LRRC4C: variants seen among roughly 807,000 people sequenced by gnomAD.
LRRC4C encodes leucine-rich repeat-containing protein 4C.
Under a neutral mutation model 33.6 loss-of-function variants are expected in LRRC4C, and 5 were observed. The ratio of observed to expected loss-of-function variants is 0.15; its 90% CI spans 0.08 to 0.31. The LOEUF (loss-of-function observed/expected upper bound fraction) is 0.31, where lower values mean the gene tolerates loss of function less well. Ranked by LOEUF, LRRC4C falls within the 10% of genes least tolerant of loss-of-function variation. The probability of loss-of-function intolerance (pLI) is 1.00; values close to 1 mark genes in which losing one functional copy is unlikely to be tolerated. For missense variants in LRRC4C, 560 were observed against 796.7 expected (o/e 0.70, Z 3.58); for synonymous variants, 329 against 302.0 (o/e 1.09, Z -0.93).
intron 1 of LRRC4C, among the ~76,000 whole-genome samples, chr11:41,059,624 C>G (rs1047943594): frequency 6.6e-6 from 1 of 152,002 alleles, no homozygotes; most frequent in Non-Finnish European, 1.5e-5. Context: ...TACAGACTCC[C>G]CTTATGTAGG....
chr11:40,971,437 G>A (rs962175147), intron 1 of LRRC4C, among the ~76,000 whole-genome samples: 51 of 152,208 alleles, frequency 3.4e-4, no homozygotes, highest in Admixed American at 3.3e-3. Context: ...GCCTGGGGGA[G>A]GAGGGAACAG....
intron 1 of LRRC4C, among the ~76,000 whole-genome samples, chr11:40,964,479 C>T (rs1851196352): frequency 6.6e-6 from 1 of 151,278 alleles, no homozygotes; most frequent in African/African-American, 2.4e-5. Context: ...ATTAACTCGT[C>T]ATTTAGCATT....
intron 1 of LRRC4C, among the ~76,000 whole-genome samples, chr11:41,131,148 G>T (rs1307971087): frequency 6.6e-6 from 1 of 152,048 alleles, no homozygotes; most frequent in Non-Finnish European, 1.5e-5. Context: ...ATAAGCATCA[G>T]AAATTGTGCC....
chr11:40,823,262 T>G (rs1460761066), intron 2 of LRRC4C, among the ~76,000 whole-genome samples: 3 of 151,732 alleles, frequency 2.0e-5, no homozygotes, highest in Non-Finnish European at 4.4e-5. Context: ...CTTATTATTT[T>G]GGGTTGGGTG....
chr11:40,659,449 G>C (rs551643459), intron 2 of LRRC4C, among the ~76,000 whole-genome samples: 2 of 152,248 alleles, frequency 1.3e-5, no homozygotes, highest in South Asian at 4.1e-4. Context: ...ACCAATTCCA[G>C]GTGGAGTCCA....
chr11:40,261,278 G>A (rs1434392435), intron 4 of LRRC4C, among the ~76,000 whole-genome samples: 1 of 152,112 alleles, frequency 6.6e-6, no homozygotes, highest in Non-Finnish European at 1.5e-5. Flanking sequence ...GAAAAAGAAA[G>A]AAATAAATAC....
chr11:40,803,574 A>G (rs1021003400), intron 2 of LRRC4C, among the ~76,000 whole-genome samples: 1 of 152,030 alleles, frequency 6.6e-6, no homozygotes, highest in Admixed American at 6.5e-5. Flanking sequence ...AATTGTCTAT[A>G]TGGTCATTTT....
intron 3 of LRRC4C, among the ~76,000 whole-genome samples, chr11:40,521,655 G>A (rs1227290235): frequency 1.3e-5 from 2 of 152,046 alleles, no homozygotes; most frequent in Non-Finnish European, 2.9e-5. Flanking sequence ...TGGATCATGA[G>A]GTCAAGAGAT....
intron 1 of LRRC4C, among the ~76,000 whole-genome samples, chr11:41,412,615 C>T (rs1591463028): frequency 6.6e-6 from 1 of 152,288 alleles, no homozygotes; most frequent in East Asian, 1.9e-4. Context: ...TACAAATCAA[C>T]AAAAGGCATG....
At chr11:41,067,178 T>C (rs1490761042) in intron 1 of LRRC4C, among the ~76,000 whole-genome samples, 1 of 152,122 alleles carries the variant, frequency 6.6e-6, no homozygotes, top group East Asian at 1.9e-4. Context: ...AGCCATCTCA[T>C]GCACAAAGAT....
At chr11:40,997,223 GAGAGA>G (rs1854043728) in intron 1 of LRRC4C, among the ~76,000 whole-genome samples, 1 of 152,070 alleles carries the variant, frequency 6.6e-6, no homozygotes, top group Non-Finnish European at 1.5e-5. Flanking sequence ...AAAAATAAGA[GAGAGA>G]AGAGATGAGG....
intron 1 of LRRC4C, among the ~76,000 whole-genome samples, chr11:41,117,891 T>A (rs1342914450): frequency 6.6e-6 from 1 of 152,170 alleles, no homozygotes; most frequent in African/African-American, 2.4e-5. Context: ...GAGATTTAAA[T>A]ATTCCATGCA....
intron 1 of LRRC4C, among the ~76,000 whole-genome samples, chr11:41,294,136 G>C (rs972145560): frequency 1.5e-4 from 23 of 152,166 alleles, no homozygotes; most frequent in African/African-American, 5.3e-4. Context: ...AGACAGTTTA[G>C]AGTTATTCTT....
chr11:40,720,312 C>T (rs796688072), intron 2 of LRRC4C, among the ~76,000 whole-genome samples: 16 of 152,206 alleles, frequency 1.1e-4, no homozygotes, highest in African/African-American at 3.6e-4. Flanking sequence ...TTTTAGGTAA[C>T]CTAGTTCAAA....
chr11:40,840,409 C>A (rs575216335), intron 2 of LRRC4C, among the ~76,000 whole-genome samples: 2 of 152,072 alleles, frequency 1.3e-5, no homozygotes, highest in Non-Finnish European at 2.9e-5. Flanking sequence ...AACTATGAAA[C>A]TGATTTTTTA....
intron 3 of LRRC4C, among the ~76,000 whole-genome samples, chr11:40,407,755 T>C (rs1950012482): frequency 6.6e-6 from 1 of 152,040 alleles, no homozygotes; most frequent in Non-Finnish European, 1.5e-5. Flanking sequence ...CAATTCAACA[T>C]ACAATCAGTA....
intron 3 of LRRC4C, among the ~76,000 whole-genome samples, chr11:40,419,553 A>G (rs1950449044): frequency 6.6e-6 from 1 of 152,200 alleles, no homozygotes; most frequent in Non-Finnish European, 1.5e-5. Flanking sequence ...TATATTGAGC[A>G]AAAATATCCT....
intron 2 of LRRC4C, among the ~76,000 whole-genome samples, chr11:40,893,098 T>G (rs890309590): frequency 7.2e-5 from 11 of 151,892 alleles, no homozygotes; most frequent in African/African-American, 2.7e-4. Context: ...CTGAAGGACA[T>G]TATGTTAAAT....
At chr11:40,760,200 A>C (rs1260761669) in intron 2 of LRRC4C, among the ~76,000 whole-genome samples, 2 of 152,108 alleles carry the variant, frequency 1.3e-5, no homozygotes, top group African/African-American at 4.8e-5. Context: ...AAGGTTTGAA[A>C]ATTGTCAAAA....
Sources: allele counts gnomAD v4.1 joint callset (sites outside exome capture counted in the v4.1 genomes callset), GRCh38; gene constraint gnomAD v4.1.1; transcripts MANE v1.5; gene names NCBI Gene and HGNC (gene_info 2026-07-23, HGNC 2026-07-21).